The following EXD3 variants were observed in gnomAD, a reference collection of about 807,000 sequenced individuals.
EXD3 encodes exonuclease 3'-5' domain containing 3.
A neutral mutation model predicts 98.0 loss-of-function variants in EXD3; 92 were observed. That is an observed-to-expected ratio of 0.94 (90% CI 0.79 to 1.12). EXD3 has a LOEUF of 1.12. Among genes scored for constraint, EXD3 ranks in the 50% most tolerant of loss-of-function variants. The pLI, the probability that EXD3 is intolerant of heterozygous loss-of-function variation, is 0.00. For synonymous variants in EXD3, 569 were observed against 526.0 expected (o/e 1.08, Z -1.12); for missense variants, 1,222 against 1,191.6 (o/e 1.03, Z -0.38).
At chr9:137,390,886 G>A (rs1325290889) in intron 2 of EXD3, among the ~76,000 whole-genome samples, 1 of 152,262 alleles carries the variant, frequency 6.6e-6, no homozygotes, top group Admixed American at 6.5e-5. Context: ...CAAGGCCAGT[G>A]GACGCTGAGG....
chr9:137,311,323 C>T (rs1014476696), intron 19 of EXD3, among the ~76,000 whole-genome samples: 15 of 152,216 alleles, frequency 9.9e-5, no homozygotes, highest in Admixed American at 9.8e-4. Flanking sequence ...GGGTGGAGAG[C>T]CCTGGCTGCA....
At chr9:137,317,197 C>T (rs1226843578) in intron 19 of EXD3, among the ~76,000 whole-genome samples, 3 of 152,226 alleles carry the variant, frequency 2.0e-5, no homozygotes, top group African/African-American at 7.2e-5. Flanking sequence ...CGGCCCCAGG[C>T]GCGCACCTGC....
intron 8 of EXD3, among the ~76,000 whole-genome samples, chr9:137,355,693 G>GGAGGACGGAGGAA (rs1564509196): frequency 2.5e-5 from 1 of 40,480 alleles, no homozygotes; most frequent in Non-Finnish European, 6.6e-5. Context: ...GAAGGAGAAA[G>GGAGGACGGAGGAA]GGAGGAAGGA....
intron 4 of EXD3, 132 bp downstream of exon 4, chr9:137,373,294 C>T: frequency 8.2e-7 from 1 of 1,216,166 alleles, no homozygotes; most frequent in South Asian, 1.3e-5. Context: ...TGGCCATAGC[C>T]CCCAGCATCC....
At chr9:137,333,726 G>A (rs141426011) in intron 17 of EXD3, among the ~76,000 whole-genome samples, 1 of 152,324 alleles carries the variant, frequency 6.6e-6, no homozygotes, top group Non-Finnish European at 1.5e-5. Flanking sequence ...CATTTCCAGA[G>A]GCTCCCAGAA....
intron 7 of EXD3, chr9:137,365,975 G>C (rs1835228394): frequency 9.8e-6 from 5 of 511,786 alleles, no homozygotes; most frequent in South Asian, 8.1e-5. Flanking sequence ...TGCACACACA[G>C]AGACACACAC....
intron 1 of EXD3, among the ~76,000 whole-genome samples, chr9:137,415,370 T>A (rs920249296): frequency 3.9e-5 from 6 of 151,960 alleles, no homozygotes; most frequent in Admixed American, 3.9e-4. Context: ...ATTTTTGTAA[T>A]TTTAGTAGAG....
chr9:137,399,702 T>C (rs1837389324), intron 1 of EXD3, among the ~76,000 whole-genome samples: 2 of 152,108 alleles, frequency 1.3e-5, no homozygotes, highest in Non-Finnish European at 1.5e-5. Flanking sequence ...GGCTTCAGAA[T>C]CATGGTGGGA....
At chr9:137,372,736 G>A (rs917429693) in intron 5 of EXD3, among the ~76,000 whole-genome samples, 169 bp downstream of exon 5, 7 of 152,184 alleles carry the variant, frequency 4.6e-5, no homozygotes, top group African/African-American at 7.2e-5. Flanking sequence ...CCTGGGACCC[G>A]GCACCCCGCA....
intron 3 of EXD3, among the ~76,000 whole-genome samples, chr9:137,376,821 C>T (rs547504372): frequency 6.7e-6 from 1 of 149,282 alleles, no homozygotes; most frequent in Non-Finnish European, 1.5e-5. Context: ...CCCAGCTGCT[C>T]GGGAGGCTGA....
chr9:137,327,807 G>A (rs142838093), intron 17 of EXD3, among the ~76,000 whole-genome samples: 1 of 11,278 alleles, frequency 8.9e-5, no homozygotes, highest in African/African-American at 1.8e-4. Context: ...CACATGATGA[G>A]TAAAAACAAC....
chr9:137,333,639 C>T (rs1445407383), intron 17 of EXD3, among the ~76,000 whole-genome samples: 8 of 152,052 alleles, frequency 5.3e-5, no homozygotes, highest in South Asian at 4.1e-4. Flanking sequence ...GTGCGTAGCG[C>T]GTCCCCTCTT....
At chr9:137,397,699 T>C (rs919883838) in intron 1 of EXD3, among the ~76,000 whole-genome samples, 10 of 151,994 alleles carry the variant, frequency 6.6e-5, no homozygotes, top group African/African-American at 2.4e-4. Context: ...GGAGGCCGAG[T>C]GCAGTGTGGG....
chr9:137,388,969 C>T (rs973613135), intron 2 of EXD3, among the ~76,000 whole-genome samples: 21 of 152,170 alleles, frequency 1.4e-4, no homozygotes, highest in African/African-American at 4.8e-4. Flanking sequence ...CAGCCCACGG[C>T]CTCAGCTCCC....
intron 1 of EXD3, among the ~76,000 whole-genome samples, chr9:137,419,043 G>A (rs1309069032): frequency 1.3e-5 from 2 of 151,902 alleles, no homozygotes; most frequent in Admixed American, 6.6e-5. Flanking sequence ...GAACTAACTT[G>A]GATATAACAA....
rs1837065043 is a variant in EXD3, at chr9:137,393,787, G to A, written c.55+1516C>T. Among the ~76,000 whole-genome samples the A allele has an allele frequency of 6.6e-6, 1 of 152,176 alleles. No homozygotes were observed. Among genetic ancestry groups the A allele is most frequent in the Non-Finnish European group, 1.5e-5 (1 of 68,006 alleles). On this transcript the variant is annotated intron_variant, in intron 2 of 21. Transcript: ENST00000340951. The surrounding 1 kb of genome is among the most constrained non-coding windows in gnomAD (Gnocchi z 4.6). ...GGGGCTGCCAGGCAGGGCATGTGTA[G>A]GGTGGAACTGGGCAAAGGCCAGGGG...
chr9:137,405,287 C>G lies in EXD3; in HGVS notation c.-47-9883G>C, dbSNP rs1018618908. Among the ~76,000 whole-genome samples the G allele has an allele frequency of 2.6e-5, 4 of 152,226 alleles. No individual in the cohort carries two copies. The highest frequency in any genetic ancestry group is 9.6e-5 in the African/African-American group (4 of 41,462). ...CCCCCGGGGGAAGGCGGTGGGCACC[C>G]AGGGCCAGAGCAGGGGCCAGAGCCC... On this transcript the variant is annotated intron_variant, in intron 1 of 21. Transcript: ENST00000340951. This position sits in a 1 kb window ranked among gnomAD's most constrained non-coding sequence, Gnocchi z 4.1.
chr9:137,337,424 G>C (rs535310782), intron 17 of EXD3, among the ~76,000 whole-genome samples: 2 of 152,158 alleles, frequency 1.3e-5, no homozygotes, highest in South Asian at 4.2e-4. Flanking sequence ...AGGCCAAGGC[G>C]GGCGGATCAC....
intron 2 of EXD3, among the ~76,000 whole-genome samples, chr9:137,390,419 A>G (rs1439237365): frequency 1.3e-5 from 2 of 151,138 alleles, no homozygotes; most frequent in African/African-American, 2.4e-5. Context: ...GCGACAGAGC[A>G]AGATTCTGTT....
Sources: allele counts gnomAD v4.1 joint callset (sites outside exome capture counted in the v4.1 genomes callset), GRCh38; gene constraint gnomAD v4.1.1; non-coding constraint Gnocchi (gnomAD v3.1); transcripts MANE v1.5; gene names NCBI Gene and HGNC (gene_info 2026-07-23, HGNC 2026-07-21).